Variants in SLC12A7 observed in about 807,000 individuals in gnomAD.
SLC12A7 encodes the protein solute carrier family 12 member 7.
A neutral mutation model predicts 120.6 loss-of-function variants in SLC12A7; 100 were observed. The observed-to-expected ratio is 0.83, with a 90% CI of 0.71 to 0.98. SLC12A7 has a LOEUF of 0.98. Ranked by LOEUF, SLC12A7 falls within the 50% of genes least tolerant of loss-of-function variation. SLC12A7 has a pLI of 0.00. For missense variants in SLC12A7, 1,373 were observed against 1,548.1 expected, an observed-to-expected ratio of 0.89 and a Z score of 1.90; for synonymous variants, 760 against 678.0, an observed-to-expected ratio of 1.12 and a Z score of -1.88.
At chr5:1,059,583 G>A (rs1034463562) in intron 21 of SLC12A7, among the ~76,000 whole-genome samples, 2 of 152,218 alleles carry the variant, frequency 1.3e-5, no homozygotes, top group Non-Finnish European at 2.9e-5. Context: ...CCTCCAGTGC[G>A]AAGTGACCAC....
intron 23 of SLC12A7, among the ~76,000 whole-genome samples, chr5:1,052,868 C>T (rs541330847): frequency 3.3e-5 from 5 of 152,352 alleles, no homozygotes; most frequent in Middle Eastern, 3.4e-3. Flanking sequence ...ATGTGCCAGG[C>T]GTCACCCTGT....
the SLC12A7 span, among the ~76,000 whole-genome samples, chr5:1,152,267 C>T: frequency 6.6e-6 from 1 of 152,222 alleles, no homozygotes; most frequent in Non-Finnish European, 1.5e-5. Context: ...CCCTTGTGCC[C>T]ACGGAAGATG....
chr5:1,139,824 C>T, the SLC12A7 span, among the ~76,000 whole-genome samples: 2 of 152,220 alleles, frequency 1.3e-5, no homozygotes, highest in African/African-American at 4.8e-5. Context: ...CCACTACGTC[C>T]CCACGGTTCT....
At chr5:1,125,550 A>T in the SLC12A7 span, among the ~76,000 whole-genome samples, 1 of 152,190 alleles carries the variant, frequency 6.6e-6, no homozygotes, top group Non-Finnish European at 1.5e-5. Flanking sequence ...AGACTATTCT[A>T]ATTTATTTAT....
chr5:1,127,594 T>G, the SLC12A7 span, among the ~76,000 whole-genome samples: 1 of 152,216 alleles, frequency 6.6e-6, no homozygotes, highest in Non-Finnish European at 1.5e-5. Flanking sequence ...AACTGATGGA[T>G]ATACAAATAC....
intron 3 of SLC12A7, among the ~76,000 whole-genome samples, chr5:1,089,432 C>A (rs1219663266): frequency 1.3e-5 from 2 of 152,138 alleles, no homozygotes; most frequent in East Asian, 1.9e-4. Flanking sequence ...ATGGAAAAAA[C>A]AAGAGGGAGA....
chr5:1,116,561 C>T (rs1475612370), upstream of SLC12A7, among the ~76,000 whole-genome samples: 2 of 152,220 alleles, frequency 1.3e-5, no homozygotes, highest in East Asian at 1.9e-4. Flanking sequence ...CTGTAATTCA[C>T]GGACACTGAG....
the SLC12A7 span, among the ~76,000 whole-genome samples, chr5:1,148,688 TG>T: frequency 6.6e-6 from 1 of 152,250 alleles, no homozygotes; most frequent in Non-Finnish European, 1.5e-5. Flanking sequence ...TTTTGTAAAG[TG>T]GGTACAGGGA....
chr5:1,128,285 G>A, the SLC12A7 span, among the ~76,000 whole-genome samples: 1 of 152,208 alleles, frequency 6.6e-6, no homozygotes. Context: ...CCGCTGATCT[G>A]CAGCACAAGA....
chr5:1,117,788 C>G, the SLC12A7 span, among the ~76,000 whole-genome samples: 1 of 152,194 alleles, frequency 6.6e-6, no homozygotes, highest in Non-Finnish European at 1.5e-5. This position sits in a 1 kb window ranked among gnomAD's most constrained non-coding sequence, Gnocchi z 4.5. Flanking sequence ...AAAACTGATC[C>G]CTGCCGGGCG....
the SLC12A7 span, among the ~76,000 whole-genome samples, chr5:1,141,446 CAGCCGCCATGGGCACCAG>C: frequency 0.25 from 22,796 of 90,660 alleles, 2,100 homozygotes; most frequent in Non-Finnish European, 0.33. Flanking sequence ...ACGGGCACCA[CAGCCGCCATGGGCACCAG>C]AGCCGCCACG....
the SLC12A7 span, among the ~76,000 whole-genome samples, chr5:1,137,149 C>G: frequency 8.3e-4 from 127 of 152,236 alleles, 1 homozygote; most frequent in Middle Eastern, 3.4e-3. Context: ...CCGCTGCAGT[C>G]CCGGGTTTTC....
At chr5:1,074,096 C>T (rs1253503618) in intron 16 of SLC12A7, among the ~76,000 whole-genome samples, 1 of 152,152 alleles carries the variant, frequency 6.6e-6, no homozygotes, top group African/African-American at 2.4e-5. Flanking sequence ...GTAGGTTAGA[C>T]AGGTGGGACA....
At chr5:1,117,030 TG>T (rs754125389), upstream of SLC12A7, among the ~76,000 whole-genome samples, 10 of 152,114 alleles carry the variant, frequency 6.6e-5, no homozygotes, top group Non-Finnish European at 1.0e-4. The surrounding 1 kb of genome is among the most constrained non-coding windows in gnomAD (Gnocchi z 4.5). Flanking sequence ...CCAACCCTCA[TG>T]GATGCCGCCC....
chr5:1,080,309 AGGC>A (rs1194570583), intron 9 of SLC12A7, among the ~76,000 whole-genome samples: 10 of 57,216 alleles, frequency 1.7e-4, no homozygotes, highest in Admixed American at 2.6e-4. Flanking sequence ...AGCCACGCAG[AGGC>A]TCTGCCCCCA....
At chr5:1,074,711 T>C in intron 15 of SLC12A7, 40 bp from the exon 16 acceptor site, 2 of 1,577,656 alleles carry the variant, frequency 1.3e-6, no homozygotes, top group Non-Finnish European at 1.7e-6. Flanking sequence ...GCCGCGTACC[T>C]GGAGGCTCCT....
chr5:1,104,276 C>T (rs1225483883), intron 1 of SLC12A7, among the ~76,000 whole-genome samples: 1 of 152,250 alleles, frequency 6.6e-6, no homozygotes, highest in Non-Finnish European at 1.5e-5. Context: ...ACCCTCGTGA[C>T]AGGCTGGCTC....
At chr5:1,107,318 C>T (rs1742604599) in intron 1 of SLC12A7, among the ~76,000 whole-genome samples, 1 of 152,204 alleles carries the variant, frequency 6.6e-6, no homozygotes, top group African/African-American at 2.4e-5. Context: ...CTGTGCTTTA[C>T]AAAGGCCACC....
chr5:1,055,136 G>A (rs538333218), intron 22 of SLC12A7, among the ~76,000 whole-genome samples: 47 of 152,180 alleles, frequency 3.1e-4, no homozygotes, highest in Admixed American at 1.0e-3. Flanking sequence ...ATGTGTATAC[G>A]CACACACACA....
Sources: allele counts gnomAD v4.1 joint callset (sites outside exome capture counted in the v4.1 genomes callset), GRCh38; gene constraint gnomAD v4.1.1; non-coding constraint Gnocchi (gnomAD v3.1); transcripts MANE v1.5; gene names NCBI Gene and HGNC (gene_info 2026-07-23, HGNC 2026-07-21).